Variants in DDX60 observed in about 807,000 individuals in gnomAD.
DDX60 encodes probable ATP-dependent RNA helicase DDX60.
A neutral mutation model predicts 212.8 loss-of-function variants in DDX60; 165 were observed. The observed-to-expected ratio is 0.78, with a 90% CI of 0.68 to 0.88. The LOEUF (loss-of-function observed/expected upper bound fraction) is 0.88, where lower values mean the gene tolerates loss of function less well. Ranked by LOEUF, DDX60 falls within the 40% of genes least tolerant of loss-of-function variation. DDX60 has a pLI of 0.00. For missense variants in DDX60, 1,905 were observed against 2,003.9 expected (o/e 0.95, Z 0.94); for synonymous variants, 703 against 685.3 (o/e 1.03, Z -0.40).
chr4:168,227,722 C>T (rs1191435987), intron 33 of DDX60, among the ~76,000 whole-genome samples: 1 of 152,022 alleles, frequency 6.6e-6, no homozygotes, highest in African/African-American at 2.4e-5. Flanking sequence ...TCTGTAAGCA[C>T]TGAATAAATT....
At chr4:168,285,792 G>A (rs1360279802) in intron 10 of DDX60, among the ~76,000 whole-genome samples, 1 of 151,234 alleles carries the variant, frequency 6.6e-6, no homozygotes, top group Non-Finnish European at 1.5e-5. Flanking sequence ...TGGGTGGATG[G>A]ATGTATGCAT....
upstream of DDX60, among the ~76,000 whole-genome samples, chr4:168,322,017 C>T (rs191906100): frequency 5.9e-5 from 9 of 152,266 alleles, no homozygotes; most frequent in African/African-American, 1.7e-4. Context: ...CCATTGGCTA[C>T]ACTTCTTCAC....
chr4:168,303,580 T>G (rs1321210704), intron 5 of DDX60, among the ~76,000 whole-genome samples: 1 of 152,164 alleles, frequency 6.6e-6, no homozygotes, highest in East Asian at 1.9e-4. Context: ...GCTGAAAAAT[T>G]TCTACTGCCT....
Position 168,262,069 on chromosome 4 carries a change from A to T in DDX60, c.3204T>A (p.Asp1068Glu). 1 of 1,603,120 alleles carries T rather than the reference A, an allele frequency of 6.2e-7. No individual in the cohort carries two copies. Among genetic ancestry groups the T allele is most frequent in the Non-Finnish European group, 8.5e-7 (1 of 1,176,706 alleles). Residue 1068 changes from aspartate to glutamate, a missense_variant, in exon 24 of 38, where the codon GAT becomes GAA. Coordinates refer to ENST00000393743, the MANE Select transcript of DDX60 (RefSeq NM_017631.6). ...TTAGACTCTCTTCATATTTCCTAGCATCCATCTTTTTAATGACTAATTTAT... is the reference window on the plus strand; with the variant it reads ...TTAGACTCTCTTCATATTTCCTAGCTTCCATCTTTTTAATGACTAATTTAT... ...FNNKLVIKKM[D>E]ARKYEESLKA... is the part of the protein sequence containing the mutation.
chr4:168,225,453 C>T lies in DDX60; in HGVS notation c.4681+76G>A, dbSNP rs1437201487. ...ATAAACTTTCTGGGGTTCCACTCTTCTTCCAGAATAAACTATTCTTAGGCA... is the reference window on the plus strand; with the variant it reads ...ATAAACTTTCTGGGGTTCCACTCTTTTTCCAGAATAAACTATTCTTAGGCA... On this transcript the variant is annotated intron_variant, in intron 34 of 37. Transcript: ENST00000393743. 1.5e-5 allele frequency: 21 copies of T among 1,408,468 alleles called. No individual in the cohort carries two copies. In the South Asian group the frequency reaches 2.7e-4, roughly 18 times the overall value. 87.2% of individuals were successfully genotyped at this position (1,408,468 alleles called of 1,614,324 possible).
At chr4:168,276,208 G>C in intron 14 of DDX60, 27 bp from the exon 15 acceptor site, 4 of 1,542,938 alleles carry the variant, frequency 2.6e-6, no homozygotes, top group Non-Finnish European at 3.5e-6. Flanking sequence ...CAATAAAATT[G>C]TTATAAAGAC....
chr4:168,276,586 C>T (rs567414003), intron 14 of DDX60, among the ~76,000 whole-genome samples: 1 of 152,138 alleles, frequency 6.6e-6, no homozygotes, highest in East Asian at 1.9e-4. Flanking sequence ...TATGGTTGAC[C>T]ACAGATAAGT....
At chr4:168,227,782 T>C (rs1733309373) in intron 33 of DDX60, among the ~76,000 whole-genome samples, 1 of 152,100 alleles carries the variant, frequency 6.6e-6, no homozygotes, top group East Asian at 1.9e-4. Context: ...TAATGTAAAA[T>C]ATTTTTAAAT....
At chr4:168,264,021 T>A (rs933247734) in intron 22 of DDX60, among the ~76,000 whole-genome samples, 11 of 152,138 alleles carry the variant, frequency 7.2e-5, no homozygotes, top group African/African-American at 2.7e-4. Context: ...CGTAAATAGC[T>A]ATTAATATGT....
chr4:168,304,782 A>C (rs1736804660), intron 5 of DDX60, among the ~76,000 whole-genome samples: 1 of 152,200 alleles, frequency 6.6e-6, no homozygotes, highest in African/African-American at 2.4e-5. Flanking sequence ...TGAAAATTAA[A>C]ATTCACAAAA....
chr4:168,275,912 T>TAA (rs200207610), intron 15 of DDX60, 103 bp downstream of exon 15: 730 of 927,546 alleles, frequency 7.9e-4, no homozygotes, highest in South Asian at 1.1e-3. Flanking sequence ...GTATTTTCAG[T>TAA]AAAAAAAAAA....
chr4:168,217,367 A>G (rs1435132952), intron 37 of DDX60, among the ~76,000 whole-genome samples: 1 of 152,122 alleles, frequency 6.6e-6, no homozygotes, highest in Non-Finnish European at 1.5e-5. Flanking sequence ...TTGTGGAGTC[A>G]TTTTGTGTTA....
intron 18 of DDX60, among the ~76,000 whole-genome samples, chr4:168,272,756 A>C (rs1735159291): frequency 2.0e-5 from 3 of 152,194 alleles, no homozygotes; most frequent in Admixed American, 2.0e-4. Context: ...CCTTCTTTGA[A>C]AGGCAATCTG....
At chr4:168,266,447 C>T (rs768764293) in intron 22 of DDX60, among the ~76,000 whole-genome samples, 14 of 152,156 alleles carry the variant, frequency 9.2e-5, no homozygotes, top group Non-Finnish European at 1.3e-4. Flanking sequence ...AAGCAGTAAG[C>T]TCATCATGGC....
At chr4:168,259,602 A>G (rs192358010) in intron 25 of DDX60, among the ~76,000 whole-genome samples, 4 of 151,610 alleles carry the variant, frequency 2.6e-5, no homozygotes, top group African/African-American at 9.7e-5. Flanking sequence ...TATTTACTTC[A>G]GCTTCCATGG....
chr4:168,291,163 C>T (rs1346449855), intron 8 of DDX60, among the ~76,000 whole-genome samples: 1 of 151,842 alleles, frequency 6.6e-6, no homozygotes. Context: ...AAAAATGATA[C>T]TAATATTGTG....
intron 10 of DDX60, among the ~76,000 whole-genome samples, chr4:168,286,364 T>C: frequency 6.9e-6 from 1 of 144,100 alleles, no homozygotes; most frequent in South Asian, 2.2e-4. Context: ...GATTACAGTA[T>C]TCTCTTGAGT....
chr4:168,229,888 G>C (rs1272520017), intron 33 of DDX60, among the ~76,000 whole-genome samples: 1 of 152,094 alleles, frequency 6.6e-6, no homozygotes, highest in Non-Finnish European at 1.5e-5. Context: ...AAAATTGAAT[G>C]TAAATGGCCT....
intron 8 of DDX60, among the ~76,000 whole-genome samples, chr4:168,289,222 T>C (rs1475727962): frequency 6.6e-6 from 1 of 152,214 alleles, no homozygotes; most frequent in South Asian, 2.1e-4. Context: ...CTCTTAATTA[T>C]GATCAACAGT....
Sources: gnomAD v4.1 joint callset for allele counts (sites outside exome capture counted in the v4.1 genomes callset) on GRCh38, gnomAD v4.1.1 for gene constraint, MANE v1.5 for transcripts, NCBI Gene and HGNC (gene_info 2026-07-23, HGNC 2026-07-21) for gene names.